Variants in ZNF800 observed in about 807,000 individuals in gnomAD.
ZNF800 encodes the protein zinc finger protein 800.
ZNF800 carries 13 observed loss-of-function variants against 59.5 expected under a neutral mutation model. The observed-to-expected ratio is 0.22, with a 90% CI of 0.14 to 0.35. ZNF800 has a LOEUF of 0.35. Among genes scored for constraint, ZNF800 ranks in the 10% least tolerant of loss-of-function variants. The probability of loss-of-function intolerance (pLI) is 1.00; values close to 1 mark genes in which losing one functional copy is unlikely to be tolerated. For synonymous variants in ZNF800, 266 were observed against 265.7 expected (o/e 1.00, Z -0.01); for missense variants, 621 against 783.7 (o/e 0.79, Z 2.48).
Position 127,385,773 on chromosome 7 carries a change from T to G in ZNF800, c.157+287A>C, listed in dbSNP as rs528018445. ...AAACATGCCAAAAGATATCAATGGA[T>G]CTTTAAGAAGTGCTTTACCAGAAAA... On this transcript the variant is annotated intron_variant, in intron 3 of 5. Coordinates refer to ENST00000265827, the MANE Select transcript of ZNF800 (RefSeq NM_176814.5). Among the ~76,000 whole-genome samples, 3 of 152,226 alleles carry G rather than the reference T, an allele frequency of 2.0e-5. No homozygotes were observed. In the South Asian group the frequency reaches 6.2e-4, roughly 32 times the overall value.
chr7:127,390,201 G>T (rs1158320227), intron 2 of ZNF800, among the ~76,000 whole-genome samples: 1 of 152,100 alleles, frequency 6.6e-6, no homozygotes, highest in East Asian at 1.9e-4. Context: ...TAAAAGGTCA[G>T]TGGAACATGA....
At chr7:127,375,678 A>C (rs569740561) in intron 4 of ZNF800, among the ~76,000 whole-genome samples, 4 of 152,186 alleles carry the variant, frequency 2.6e-5, no homozygotes, top group Admixed American at 2.6e-4. Flanking sequence ...GATTTATTTA[A>C]AAACCATAGG....
intron 2 of ZNF800, 99 bp downstream of exon 2, chr7:127,391,398 G>T: frequency 1.7e-6 from 2 of 1,177,486 alleles, no homozygotes; most frequent in Non-Finnish European, 2.5e-6. Context: ...GCCTGCTTAA[G>T]AATGACTACT....
Position 127,375,050 on chromosome 7 carries a change from C to A in ZNF800, c.302-16G>T. The A allele has an allele frequency of 6.6e-7, 1 of 1,524,524 alleles. No individual in the cohort carries two copies. Among genetic ancestry groups the A allele is most frequent in the Non-Finnish European group, 8.7e-7 (1 of 1,142,972 alleles). 94.4% of individuals were successfully genotyped at this position (1,524,524 alleles called of 1,614,324 possible). A position where few individuals can be genotyped will look rare whatever the true frequency, so the allele number is the denominator to read the frequency against. On this transcript the variant is annotated splice_polypyrimidine_tract_variant and intron_variant, in intron 4 of 5. Coordinates refer to ENST00000265827, the MANE Select transcript of ZNF800 (RefSeq NM_176814.5). ...TCAGGAAGGTCTGTTAAGGAAAAAA[C>A]AACATTTTAATCTGAAGTAATTAGC...
chr7:127,362,562 T>C (rs553098461), intron 1 of ZNF800: 1 of 152,226 alleles, frequency 6.6e-6, no homozygotes, highest in East Asian at 1.9e-4. Context: ...TCAACAGATA[T>C]GTTTTAAGTG....
At chr7:127,348,263 A>G (rs1800107104) in intron 1 of ZNF800, among the ~76,000 whole-genome samples, 1 of 152,132 alleles carries the variant, frequency 6.6e-6, no homozygotes, top group Admixed American at 6.5e-5. Context: ...CTTGGTGGCA[A>G]TTTAGGAAAA....
At chr7:127,376,619 G>T (rs1057208945) in intron 4 of ZNF800, among the ~76,000 whole-genome samples, 4 of 151,848 alleles carry the variant, frequency 2.6e-5, no homozygotes, top group Admixed American at 2.6e-4. Flanking sequence ...CTGAGAAAAT[G>T]ACTTATCTAA....
At chr7:127,386,523 G>A (rs1436753894) in intron 2 of ZNF800, among the ~76,000 whole-genome samples, 3 of 152,106 alleles carry the variant, frequency 2.0e-5, no homozygotes, top group Non-Finnish European at 1.5e-5. Context: ...AAATTCTAAG[G>A]CAATGGTGGC....
intron 1 of ZNF800, among the ~76,000 whole-genome samples, chr7:127,350,941 G>GT (rs1800157091): frequency 6.6e-6 from 1 of 152,142 alleles, no homozygotes; most frequent in African/African-American, 2.4e-5. Context: ...AGTCTTTCCA[G>GT]TTTCCAAAAG....
At chr7:127,387,931 C>A (rs946377899) in intron 2 of ZNF800, among the ~76,000 whole-genome samples, 4 of 147,280 alleles carry the variant, frequency 2.7e-5, no homozygotes, top group Non-Finnish European at 5.9e-5. Context: ...CACACACACA[C>A]ACACACACAC....
intron 4 of ZNF800, among the ~76,000 whole-genome samples, chr7:127,376,955 T>C (rs1800803927): frequency 6.6e-6 from 1 of 151,994 alleles, no homozygotes; most frequent in Non-Finnish European, 1.5e-5. Flanking sequence ...TTATATGTCA[T>C]CTTTAGGAAA....
intron 1 of ZNF800, chr7:127,362,090 C>T (rs1436559368): frequency 6.6e-6 from 1 of 152,036 alleles, no homozygotes; most frequent in Non-Finnish European, 1.5e-5. Context: ...ATTCCAAGGC[C>T]AAGCATAGAG....
intron 3 of ZNF800, among the ~76,000 whole-genome samples, chr7:127,383,494 T>C (rs1434275476): frequency 2.6e-5 from 4 of 152,114 alleles, no homozygotes; most frequent in African/African-American, 7.2e-5. Context: ...AGCCTAGAAA[T>C]AGATGAGTCA....
chr7:127,379,759 C>CA (rs1417026454), intron 3 of ZNF800, among the ~76,000 whole-genome samples: 5 of 149,506 alleles, frequency 3.3e-5, no homozygotes, highest in Non-Finnish European at 7.4e-5. Context: ...AATAAACATC[C>CA]AAAAAAAAGT....
exon 2 of ZNF800, chr7:127,347,533 A>C (rs1298027511): frequency 6.6e-6 from 1 of 152,198 alleles, no homozygotes; most frequent in Non-Finnish European, 1.5e-5. Flanking sequence ...AAGGAAAAGG[A>C]TGGTATTGTC....
At chr7:127,357,641 C>T (rs758911967) in intron 1 of ZNF800, among the ~76,000 whole-genome samples, 4 of 151,978 alleles carry the variant, frequency 2.6e-5, no homozygotes, top group African/African-American at 4.8e-5. Context: ...TAATCAATTG[C>T]TTTATTTTTT....
chr7:127,388,700 A>AC (rs1336578382), intron 2 of ZNF800, among the ~76,000 whole-genome samples: 1 of 152,168 alleles, frequency 6.6e-6, no homozygotes, highest in Admixed American at 6.5e-5. Context: ...ATTCTTACCC[A>AC]CCACCCTCAG....
In ZNF800 at chr7:127,386,162, G is replaced by T; in HGVS notation, c.62-7C>A. The T allele has an allele frequency of 6.3e-7, 1 of 1,589,846 alleles. No homozygotes were observed. The highest frequency in any genetic ancestry group is 8.6e-7 in the Non-Finnish European group (1 of 1,160,276). Reference sequence around the variant, plus strand: ...CCAGGTTCCAGGATATAAACTACATGGAAGACAAACACCCACCCCAATCCC... The same window carrying T: ...CCAGGTTCCAGGATATAAACTACATTGAAGACAAACACCCACCCCAATCCC... On this transcript the variant is annotated splice_polypyrimidine_tract_variant and splice_region_variant and intron_variant, in intron 2 of 5. Transcript: ENST00000265827.
At chr7:127,384,936 T>C (rs1227962521) in intron 3 of ZNF800, among the ~76,000 whole-genome samples, 4 of 152,332 alleles carry the variant, frequency 2.6e-5, no homozygotes, top group South Asian at 4.1e-4. Flanking sequence ...GCACTTGGTA[T>C]ACAAGCAATG....
Sources: gnomAD v4.1 joint callset for allele counts (sites outside exome capture counted in the v4.1 genomes callset) on GRCh38, gnomAD v4.1.1 for gene constraint, MANE v1.5 for transcripts, NCBI Gene and HGNC (gene_info 2026-07-23, HGNC 2026-07-21) for gene names.